The following PTP4A2 variants were observed in gnomAD, a reference collection of about 807,000 sequenced individuals.
PTP4A2 encodes the protein protein tyrosine phosphatase 4A2.
Under a neutral mutation model 22.9 loss-of-function variants are expected in PTP4A2, and 2 were observed. The ratio of observed to expected loss-of-function variants is 0.09; its 90% CI spans 0.04 to 0.27. The LOEUF (loss-of-function observed/expected upper bound fraction) is 0.27, where lower values mean the gene tolerates loss of function less well. PTP4A2 is among the 10% of genes least tolerant of loss of function. PTP4A2 has a pLI of 1.00. For missense variants in PTP4A2, 103 were observed against 205.1 expected, an observed-to-expected ratio of 0.50 and a Z score of 3.04; for synonymous variants, 68 against 69.1, an observed-to-expected ratio of 0.98 and a Z score of 0.08.
chr1:31,929,022 G>T (rs1652608791), intron 1 of PTP4A2, among the ~76,000 whole-genome samples: 1 of 152,160 alleles, frequency 6.6e-6, no homozygotes, highest in African/African-American at 2.4e-5. Context: ...TTTTAGATGT[G>T]CATGTACCCC....
intron 5 of PTP4A2, 33 bp from the exon 6 acceptor site, chr1:31,908,993 T>C: frequency 6.8e-7 from 1 of 1,470,340 alleles, no homozygotes; most frequent in Non-Finnish European, 9.5e-7. Flanking sequence ...CTTTATCATG[T>C]AAAAAAAGAG....
chr1:31,916,499 T>G (rs1438285360), intron 2 of PTP4A2, among the ~76,000 whole-genome samples: 1 of 152,148 alleles, frequency 6.6e-6, no homozygotes. Context: ...GACTCACCTT[T>G]CTAAAGGGCA....
chr1:31,937,404 G>A (rs1652983024), intron 1 of PTP4A2, among the ~76,000 whole-genome samples: 1 of 151,644 alleles, frequency 6.6e-6, no homozygotes, highest in East Asian at 1.9e-4. Flanking sequence ...AACACACCAG[G>A]GTTCACTATC....
intron 3 of PTP4A2, chr1:31,914,350 CCA>C (rs1188243752): frequency 7.1e-5 from 32 of 450,568 alleles, no homozygotes; most frequent in Non-Finnish European, 1.4e-4. Context: ...CAGGCATGAG[CCA>C]CCACACAGGG....
rs141577370 is a variant in PTP4A2, at chr1:31,936,088, C to T, written c.-594+1899G>A. On this transcript the variant is annotated intron_variant, in intron 1 of 5. Transcript: ENST00000647444. ...ACAGGTATGAGCCAGCTTGCCCAGC[C>T]GAAAAATATAATTTCTAACTTTTAA... Among the ~76,000 whole-genome samples the T allele has an allele frequency of 2.1e-3, 324 of 152,030 alleles. 1 individual carries two copies. Among genetic ancestry groups the T allele is most frequent in the African/African-American group, 7.4e-3 (307 of 41,476 alleles).
chr1:31,912,027 C>T (rs1651560747), intron 3 of PTP4A2, among the ~76,000 whole-genome samples: 1 of 152,166 alleles, frequency 6.6e-6, no homozygotes, highest in Admixed American at 6.6e-5. Flanking sequence ...TTACCCTTCT[C>T]AATGCAGTGT....
chr1:31,925,447 C>A (rs936701010), intron 1 of PTP4A2, among the ~76,000 whole-genome samples: 1 of 152,130 alleles, frequency 6.6e-6, no homozygotes, highest in Non-Finnish European at 1.5e-5. Context: ...AACTGTAATT[C>A]TAACTACAAA....
At chr1:31,912,505 C>A (rs1319749413) in intron 3 of PTP4A2, among the ~76,000 whole-genome samples, 1 of 152,204 alleles carries the variant, frequency 6.6e-6, no homozygotes, top group Non-Finnish European at 1.5e-5. Flanking sequence ...GTATCCCTTT[C>A]TCTTTCTGTA....
At chr1:31,917,793 G>A (rs1191400143) in intron 2 of PTP4A2, among the ~76,000 whole-genome samples, 4 of 151,946 alleles carry the variant, frequency 2.6e-5, no homozygotes, top group African/African-American at 9.7e-5. Context: ...GGCCAACACG[G>A]TGAAACTTCG....
chr1:31,926,375 C>T (rs887323310), intron 1 of PTP4A2, among the ~76,000 whole-genome samples: 1 of 151,700 alleles, frequency 6.6e-6, no homozygotes, highest in Non-Finnish European at 1.5e-5. Context: ...CTAAAAAAAA[C>T]GAGTATGCAT....
At chr1:31,916,215 C>T (rs936978979) in intron 2 of PTP4A2, among the ~76,000 whole-genome samples, 4 of 150,944 alleles carry the variant, frequency 2.6e-5, no homozygotes, top group Non-Finnish European at 4.4e-5. Context: ...TGTGGTGGTG[C>T]GGGCCTGTAA....
At chr1:31,913,071 G>A (rs1370466011) in intron 3 of PTP4A2, 1 of 431,162 alleles carries the variant, frequency 2.3e-6, no homozygotes, top group African/African-American at 2.1e-5. Context: ...CATATAAGTA[G>A]TGTCTATTTT....
intron 3 of PTP4A2, chr1:31,914,084 A>AT (rs1415830450): frequency 4.0e-5 from 15 of 376,218 alleles, no homozygotes; most frequent in Middle Eastern, 7.5e-4. Context: ...TTATTGACTG[A>AT]TTGACTGACA....
intron 1 of PTP4A2, among the ~76,000 whole-genome samples, chr1:31,925,739 G>A (rs1039570924): frequency 6.7e-5 from 10 of 148,602 alleles, no homozygotes; most frequent in South Asian, 2.1e-4. Context: ...CAGCCTGGGC[G>A]ACAGAGCAAG....
intron 1 of PTP4A2, among the ~76,000 whole-genome samples, chr1:31,931,724 AAACTAAT>A (rs1652736506): frequency 3.3e-5 from 5 of 152,220 alleles, no homozygotes; most frequent in Non-Finnish European, 7.3e-5. Context: ...TGCATAATTT[AAACTAAT>A]CACCAAAGGA....
chr1:31,911,787 T>C lies in PTP4A2; in HGVS notation c.229A>G (p.Ile77Val). The change falls in exon 4 of 6, where the codon ATA (isoleucine) becomes GTA (valine). Residue 77 changes from isoleucine to valine, a missense_variant. This residue lies in a region of PTP4A2 where 66 missense variants were observed against 113.0 expected (regional missense o/e 0.58). Transcript: ENST00000647444. ...AACAGGTTTAACCAATCATCTACTA[T>C]CTGATTAGGGGGTGGAGCTCCATCA... is the stretch of plus-strand genomic sequence containing the variant. ...FDDGAPPPNQ[I>V]VDDWLNLLKT... The C allele has an allele frequency of 1.2e-6, 2 of 1,600,712 alleles. No homozygotes were observed. The highest frequency in any genetic ancestry group is 1.7e-6 in the Non-Finnish European group (2 of 1,175,134).
At chr1:31,920,691 C>T (rs1048539059) in intron 1 of PTP4A2, among the ~76,000 whole-genome samples, 2 of 151,784 alleles carry the variant, frequency 1.3e-5, no homozygotes, top group Non-Finnish European at 2.9e-5. Context: ...GTGCCCACCA[C>T]CACACCTGGC....
At chr1:31,914,595 T>C (rs1482964250) in intron 3 of PTP4A2, 1 of 176,984 alleles carries the variant, frequency 5.7e-6, no homozygotes, top group Non-Finnish European at 1.2e-5. Flanking sequence ...TGTTACGTTC[T>C]TCCTAACTAC....
chr1:31,911,678 A>T lies in PTP4A2; in HGVS notation c.320+18T>A, dbSNP rs1651540775. On this transcript the variant is annotated intron_variant, in intron 4 of 5. Coordinates refer to ENST00000647444, the MANE Select transcript of PTP4A2 (RefSeq NM_080391.4). ...GTAATGAATTCAGACAAAAAGGGTA[A>T]TAAAGGTAAGAGTTTACCTTCCCAA... 6.4e-7 allele frequency: 1 copy of T among 1,554,592 alleles called. No homozygotes were observed. The highest frequency in any genetic ancestry group is 8.6e-7 in the Non-Finnish European group (1 of 1,156,076).
Sources: allele counts gnomAD v4.1 joint callset (sites outside exome capture counted in the v4.1 genomes callset), GRCh38; gene constraint gnomAD v4.1.1; regional missense constraint gnomAD v4.1.1; transcripts MANE v1.5; gene names NCBI Gene and HGNC (gene_info 2026-07-23, HGNC 2026-07-21).